The following NF2 variants were observed in gnomAD, a reference collection of about 807,000 sequenced individuals.
NF2 encodes merlin.
A neutral mutation model predicts 83.7 loss-of-function variants in NF2; 8 were observed. The ratio of observed to expected loss-of-function variants is 0.10; its 90% CI spans 0.06 to 0.17. NF2 has a LOEUF of 0.17. NF2 is among the 10% of genes least tolerant of loss of function. NF2 has a pLI of 1.00. For missense variants in NF2, 533 were observed against 744.4 expected, an observed-to-expected ratio of 0.72 and a Z score of 3.31; for synonymous variants, 266 against 269.6, an observed-to-expected ratio of 0.99 and a Z score of 0.13.
At chr22:29,664,259 C>T (rs2066553707) in intron 8 of NF2, among the ~76,000 whole-genome samples, 1 of 152,082 alleles carries the variant, frequency 6.6e-6, no homozygotes, top group African/African-American at 2.4e-5. Context: ...GGGTGTGAGC[C>T]ACCATATCTG....
At chr22:29,629,769 C>T (rs1259093029) in intron 1 of NF2, among the ~76,000 whole-genome samples, 1 of 152,234 alleles carries the variant, frequency 6.6e-6, no homozygotes, top group Non-Finnish European at 1.5e-5. Flanking sequence ...GCAGAGGAGA[C>T]AGCCGTTGAA....
At chr22:29,678,149 T>C in intron 13 of NF2, 47 bp from the exon 14 acceptor site, 2 of 1,611,928 alleles carry the variant, frequency 1.2e-6, no homozygotes, top group Admixed American at 3.3e-5. Flanking sequence ...AGTGTCCTTC[T>C]GTGCTTGTAT....
At chr22:29,668,257 T>A in intron 9 of NF2, 76 bp from the exon 10 acceptor site, 1 of 1,027,376 alleles carries the variant, frequency 9.7e-7, no homozygotes. Context: ...CTCAAACTGC[T>A]ATGGCACTAG....
chr22:29,605,880 A>G (rs1243345128), intron 1 of NF2, among the ~76,000 whole-genome samples: 2 of 152,198 alleles, frequency 1.3e-5, no homozygotes, highest in Non-Finnish European at 2.9e-5. Flanking sequence ...GCAGGACATC[A>G]GCATTTCTCA....
intron 6 of NF2, among the ~76,000 whole-genome samples, chr22:29,657,269 G>A (rs2066340410): frequency 6.6e-6 from 1 of 152,150 alleles, no homozygotes; most frequent in South Asian, 2.1e-4. Flanking sequence ...CATGTTGTCA[G>A]ATTGGGGTTT....
In NF2 at chr22:29,658,281, C is replaced by T. The variant is rs1237114529; in HGVS notation, c.675+17C>T. ...GCAATCCGGGTGTGTTGAAACCTCT[C>T]TGAGCTCCTTGTGTAGTAGACAGAG... On this transcript the variant is annotated intron_variant, in intron 7 of 15. Coordinates refer to ENST00000338641, the MANE Select transcript of NF2 (RefSeq NM_000268.4). 1 of 1,611,378 alleles carries T rather than the reference C, an allele frequency of 6.2e-7. No individual in the cohort carries two copies. The highest frequency in any genetic ancestry group is 1.1e-5 in the South Asian group (1 of 91,000).
intron 4 of NF2, among the ~76,000 whole-genome samples, chr22:29,647,865 T>C (rs549404098): frequency 2.0e-5 from 3 of 152,304 alleles, no homozygotes; most frequent in Admixed American, 2.0e-4. Context: ...CCTTATTATC[T>C]AAACAGTGCT....
At chr22:29,630,923 C>T (rs374602915) in intron 1 of NF2, among the ~76,000 whole-genome samples, 4 of 152,024 alleles carry the variant, frequency 2.6e-5, no homozygotes, top group Non-Finnish European at 4.4e-5. Context: ...GGCCTGAAAG[C>T]GTTACGTGCC....
At chr22:29,685,129 T>G (rs1010255112) in intron 15 of NF2, among the ~76,000 whole-genome samples, 1 of 151,730 alleles carries the variant, frequency 6.6e-6, no homozygotes, top group Non-Finnish European at 1.5e-5. Flanking sequence ...TAGTTTTGCT[T>G]TGTTTTGAGA....
At position 29,603,767 on chromosome 22, in the gene NF2, T is replaced by C; in HGVS notation, c.-232T>C. 1 of 538,760 alleles carries C rather than the reference T, an allele frequency of 1.9e-6. No homozygotes were observed. The highest frequency in any genetic ancestry group is 3.2e-6 in the Non-Finnish European group (1 of 308,032). 33.4% of individuals were successfully genotyped at this position (538,760 alleles called of 1,614,324 possible). ...TCGCGCCTGCACCGAAGGTCCCGGC[T>C]CCTGTGCCCTCCCTGCAGCCGTCAG... On this transcript the variant is annotated 5_prime_UTR_variant, in exon 1 of 16. Coordinates refer to ENST00000338641, the MANE Select transcript of NF2 (RefSeq NM_000268.4).
chr22:29,646,228 A>C (rs2065978457), intron 4 of NF2, among the ~76,000 whole-genome samples: 1 of 152,184 alleles, frequency 6.6e-6, no homozygotes, highest in Non-Finnish European at 1.5e-5. Context: ...CAAACTCACA[A>C]TACTTTTATG....
At chr22:29,630,138 C>G (rs1031943037) in intron 1 of NF2, among the ~76,000 whole-genome samples, 2 of 152,230 alleles carry the variant, frequency 1.3e-5, no homozygotes, top group Non-Finnish European at 2.9e-5. Flanking sequence ...GGTTGAGTCT[C>G]AACCTGGCCA....
intron 15 of NF2, among the ~76,000 whole-genome samples, chr22:29,690,302 G>A (rs988503592): frequency 6.6e-6 from 1 of 152,198 alleles, no homozygotes; most frequent in Non-Finnish European, 1.5e-5. Context: ...TGTGTCTCCT[G>A]AATCTGAACT....
chr22:29,630,913 G>A (rs1027342249), intron 1 of NF2, among the ~76,000 whole-genome samples: 1 of 152,020 alleles, frequency 6.6e-6, no homozygotes, highest in Non-Finnish European at 1.5e-5. Flanking sequence ...ACGAGTGCAG[G>A]GCCTGAAAGC....
At chr22:29,672,254 A>C (rs1034591297) in intron 11 of NF2, among the ~76,000 whole-genome samples, 1 of 148,944 alleles carries the variant, frequency 6.7e-6, no homozygotes, top group Non-Finnish European at 1.5e-5. Flanking sequence ...CAGTAGCAGC[A>C]CCTCACCCTC....
intron 1 of NF2, among the ~76,000 whole-genome samples, chr22:29,635,830 T>C (rs930218445): frequency 6.6e-6 from 1 of 152,116 alleles, no homozygotes; most frequent in Non-Finnish European, 1.5e-5. Flanking sequence ...CACTCGAGTT[T>C]GTATTTGAAT....
At chr22:29,651,207 G>A (rs1257130266) in intron 4 of NF2, among the ~76,000 whole-genome samples, 1 of 152,048 alleles carries the variant, frequency 6.6e-6, no homozygotes, top group Non-Finnish European at 1.5e-5. Context: ...CCTACTCAGA[G>A]CATTTTATCT....
chr22:29,643,923 A>AC (rs1190837166), intron 4 of NF2, among the ~76,000 whole-genome samples: 11 of 137,318 alleles, frequency 8.0e-5, no homozygotes, highest in South Asian at 4.7e-4. Context: ...CGGGGGGCTG[A>AC]CCCCCCAACC....
chr22:29,656,944 C>A (rs184661996), intron 6 of NF2, among the ~76,000 whole-genome samples: 1 of 147,674 alleles, frequency 6.8e-6, no homozygotes, highest in African/African-American at 2.5e-5. Context: ...GAATTCCATT[C>A]CCTTGATTAG....
Sources: allele counts gnomAD v4.1 joint callset (sites outside exome capture counted in the v4.1 genomes callset), GRCh38; gene constraint gnomAD v4.1.1; transcripts MANE v1.5; gene names NCBI Gene and HGNC (gene_info 2026-07-23, HGNC 2026-07-21).